Variants in CLSTN2 observed in about 807,000 individuals in gnomAD.
CLSTN2 encodes calsyntenin-2.
In CLSTN2, 48 loss-of-function variants were observed where a neutral mutation model predicts 101.2. The ratio of observed to expected loss-of-function variants is 0.47; its 90% CI spans 0.38 to 0.60. CLSTN2 has a LOEUF of 0.60. CLSTN2 is among the 20% of genes least tolerant of loss of function. The pLI is 0.00. For synonymous variants in CLSTN2, 481 were observed against 463.6 expected, an observed-to-expected ratio of 1.04 and a Z score of -0.48; for missense variants, 1,160 against 1,238.2, an observed-to-expected ratio of 0.94 and a Z score of 0.95.
rs571939938 is a variant in CLSTN2 at position 140,079,962 on chromosome 3, A to G, written c.110-95989A>G. Among the ~76,000 whole-genome samples, 10 of 152,324 alleles carry G rather than the reference A, an allele frequency of 6.6e-5. No homozygotes were observed. In the East Asian group the frequency reaches 1.5e-3, roughly 23 times the overall value. On this transcript the variant is annotated intron_variant, in intron 1 of 16. Coordinates refer to ENST00000458420, the MANE Select transcript of CLSTN2 (RefSeq NM_022131.3). ...TTGATTAATGGCAGGAGGAATTAAC[A>G]TACACTAACTTTGAGGAAGATGTGC...
At chr3:140,488,069 C>T (rs1398309418) in intron 8 of CLSTN2, among the ~76,000 whole-genome samples, 2 of 152,168 alleles carry the variant, frequency 1.3e-5, no homozygotes, top group Non-Finnish European at 1.5e-5. Context: ...CTAAAAATAT[C>T]CCTCTGCCAC....
intron 2 of CLSTN2, among the ~76,000 whole-genome samples, chr3:140,281,561 T>C (rs193206541): frequency 6.6e-6 from 1 of 152,254 alleles, no homozygotes. Flanking sequence ...TCTAGTTACC[T>C]AATTACCTAA....
chr3:140,284,461 C>CT (rs1354625894), intron 2 of CLSTN2, among the ~76,000 whole-genome samples: 1 of 152,062 alleles, frequency 6.6e-6, no homozygotes, highest in Non-Finnish European at 1.5e-5. Flanking sequence ...GTAAGAGTGA[C>CT]TTTTTTTCCT....
intron 1 of CLSTN2, among the ~76,000 whole-genome samples, chr3:140,019,792 C>T (rs538745874): frequency 1.3e-5 from 2 of 151,930 alleles, no homozygotes; most frequent in Admixed American, 1.3e-4. Context: ...AAGGAGAGGC[C>T]AGAGTGGAAA....
intron 2 of CLSTN2, among the ~76,000 whole-genome samples, chr3:140,343,244 C>A (rs557953203): frequency 2.6e-5 from 4 of 152,236 alleles, no homozygotes; most frequent in East Asian, 3.9e-4. Context: ...ACGAAAACTA[C>A]CCCCTAGCTC....
chr3:140,287,050 C>G (rs1370475654), intron 2 of CLSTN2, among the ~76,000 whole-genome samples: 2 of 152,064 alleles, frequency 1.3e-5, no homozygotes, highest in Non-Finnish European at 2.9e-5. Context: ...CATCATGCAT[C>G]AAAGTAGAAT....
At chr3:140,117,377 C>T (rs1348223560) in intron 1 of CLSTN2, among the ~76,000 whole-genome samples, 2 of 152,124 alleles carry the variant, frequency 1.3e-5, no homozygotes, top group East Asian at 3.9e-4. Context: ...ATGCCTGCTC[C>T]ACCACAGAAC....
rs372486980 is a variant in CLSTN2 at position 140,105,663 on chromosome 3, A to T, written c.110-70288A>T. On this transcript the variant is annotated intron_variant, in intron 1 of 16. Coordinates refer to ENST00000458420, the MANE Select transcript of CLSTN2 (RefSeq NM_022131.3). ...ACTGGGGAGTGTGAGGCAGGGTGGG[A>T]TGCTGTTTCATCAGACCCCCGGCAC... 1.5e-4 allele frequency among the ~76,000 whole-genome samples: 23 copies of T among 152,274 alleles called. No homozygotes were observed. In the East Asian group the frequency reaches 3.7e-3, roughly 24 times the overall value.
intron 2 of CLSTN2, among the ~76,000 whole-genome samples, chr3:140,369,672 C>T (rs1009852344): frequency 6.6e-6 from 1 of 152,204 alleles, no homozygotes; most frequent in African/African-American, 2.4e-5. Flanking sequence ...TTGGACCAAA[C>T]ATGCTGCTCC....
chr3:140,382,425 T>C (rs1415164125), intron 2 of CLSTN2, among the ~76,000 whole-genome samples: 1 of 152,210 alleles, frequency 6.6e-6, no homozygotes, highest in Non-Finnish European at 1.5e-5. Context: ...AGGCTGATCA[T>C]CCAGGGAAAA....
chr3:139,936,004 CG>C (rs900300039), intron 1 of CLSTN2, among the ~76,000 whole-genome samples: 1 of 152,130 alleles, frequency 6.6e-6, no homozygotes, highest in African/African-American at 2.4e-5. Context: ...TCTGACTCCC[CG>C]GGGAACGTGT....
intron 2 of CLSTN2, among the ~76,000 whole-genome samples, chr3:140,217,714 G>A: frequency 6.6e-6 from 1 of 152,098 alleles, no homozygotes. Flanking sequence ...CTTCCCTTTG[G>A]TTTTCTCCCA....
At chr3:140,154,845 C>T (rs981728891) in intron 1 of CLSTN2, among the ~76,000 whole-genome samples, 2 of 151,868 alleles carry the variant, frequency 1.3e-5, no homozygotes, top group East Asian at 1.9e-4. Flanking sequence ...GGGATTTCAC[C>T]GTGTTAGCCA....
intron 9 of CLSTN2, among the ~76,000 whole-genome samples, chr3:140,542,856 T>A (rs1378148685): frequency 6.6e-6 from 1 of 152,190 alleles, no homozygotes. Flanking sequence ...TAGATCCTAA[T>A]GGGCTTTCTG....
chr3:139,995,443 C>A (rs1340029157), intron 1 of CLSTN2, among the ~76,000 whole-genome samples: 2 of 152,176 alleles, frequency 1.3e-5, no homozygotes, highest in African/African-American at 2.4e-5. Context: ...AGCCACATGG[C>A]AGTTTCATGG....
At chr3:139,994,692 C>T (rs1936172242) in intron 1 of CLSTN2, among the ~76,000 whole-genome samples, 1 of 152,182 alleles carries the variant, frequency 6.6e-6, no homozygotes, top group African/African-American at 2.4e-5. Flanking sequence ...TTAATGCTTG[C>T]ATGACACGTC....
chr3:140,482,530 C>T (rs932732334), intron 8 of CLSTN2, among the ~76,000 whole-genome samples: 1 of 152,132 alleles, frequency 6.6e-6, no homozygotes, highest in Non-Finnish European at 1.5e-5. Flanking sequence ...CCAGCTCCTC[C>T]TTGTACCTCT....
intron 8 of CLSTN2, among the ~76,000 whole-genome samples, chr3:140,502,957 G>A (rs1443717498): frequency 6.6e-6 from 1 of 152,176 alleles, no homozygotes; most frequent in African/African-American, 2.4e-5. Flanking sequence ...ATCAATCAAA[G>A]TATTGGGAAG....
chr3:140,530,946 A>G (rs1260896342), intron 8 of CLSTN2, among the ~76,000 whole-genome samples: 3 of 152,214 alleles, frequency 2.0e-5, no homozygotes, highest in Non-Finnish European at 2.9e-5. Context: ...CCCCAAGCCC[A>G]GGGTGCTCCT....
Sources: gnomAD v4.1 joint callset for allele counts (sites outside exome capture counted in the v4.1 genomes callset) on GRCh38, gnomAD v4.1.1 for gene constraint, MANE v1.5 for transcripts, NCBI Gene and HGNC (gene_info 2026-07-23, HGNC 2026-07-21) for gene names.